Variants in PDZD2 observed in about 807,000 individuals in gnomAD.
The protein encoded by PDZD2 is PDZ domain-containing protein 2.
A neutral mutation model predicts 220.7 loss-of-function variants in PDZD2; 90 were observed. The observed-to-expected ratio is 0.41, with a 90% confidence interval of 0.34 to 0.49. The LOEUF (loss-of-function observed/expected upper bound fraction) is 0.49, where lower values mean the gene tolerates loss of function less well. Ranked by LOEUF, PDZD2 falls within the 20% of genes least tolerant of loss-of-function variation. The probability of loss-of-function intolerance (pLI) is 0.28; values close to 1 mark genes in which losing one functional copy is unlikely to be tolerated. For synonymous variants in PDZD2, 1,375 were observed against 1,450.5 expected, an observed-to-expected ratio of 0.95 and a Z score of 1.18; for missense variants, 3,174 against 3,608.5, an observed-to-expected ratio of 0.88 and a Z score of 3.08.
At chr5:32,003,696 T>C (rs1468440393) in intron 5 of PDZD2, among the ~76,000 whole-genome samples, 1 of 152,122 alleles carries the variant, frequency 6.6e-6, no homozygotes, top group Admixed American at 6.5e-5. Context: ...TTAGTTTTTT[T>C]GTTTTTGTTT....
intron 2 of PDZD2, among the ~76,000 whole-genome samples, chr5:31,901,721 T>TAATCACCCCTAA (rs1333192728): frequency 6.6e-6 from 1 of 152,228 alleles, no homozygotes; most frequent in African/African-American, 2.4e-5. Context: ...TAGAACATTT[T>TAATCACCCCTAA]AATCACCCCT....
At position 31,983,600 on chromosome 5, in the gene PDZD2, C is replaced by G; in HGVS notation, c.922C>G (p.Arg308Gly). The G allele has an allele frequency of 6.2e-7, 1 of 1,614,122 alleles. No homozygotes were observed. Among genetic ancestry groups the G allele is most frequent in the Non-Finnish European group, 8.5e-7 (1 of 1,179,998 alleles). ...DAPLTTSNDK[R>G]RFSKGGKTDF... ...TCCTCTGACCACAAGCAATGACAAA[C>G]GCCGCTTCTCAAAAGGTGGGAAGAC... Residue 308 changes from arginine to glycine, a missense_variant, in exon 3 of 25, where the codon CGC (arginine) becomes GGC (glycine). This residue lies in a region of PDZD2 where 632 missense variants were observed against 708.1 expected (regional missense o/e 0.89). Transcript: ENST00000438447.
At chr5:31,912,962 A>ACGG (rs1743337054) in intron 2 of PDZD2, among the ~76,000 whole-genome samples, 1 of 152,252 alleles carries the variant, frequency 6.6e-6, no homozygotes, top group East Asian at 1.9e-4. Flanking sequence ...TATATGAAAA[A>ACGG]CATTGCATCC....
intron 7 of PDZD2, among the ~76,000 whole-genome samples, chr5:32,045,690 G>T (rs1737879109): frequency 6.6e-6 from 1 of 151,320 alleles, no homozygotes; most frequent in Non-Finnish European, 1.5e-5. Flanking sequence ...GCCTCCCAAA[G>T]TGCTAGGATT....
chr5:31,896,650 G>C (rs1344462851), intron 2 of PDZD2, among the ~76,000 whole-genome samples: 1 of 152,308 alleles, frequency 6.6e-6, no homozygotes, highest in East Asian at 1.9e-4. Context: ...TTAAAATTGT[G>C]TGTGTTACAA....
At chr5:31,893,918 G>A (rs892683897) in intron 2 of PDZD2, among the ~76,000 whole-genome samples, 12 of 151,790 alleles carry the variant, frequency 7.9e-5, no homozygotes, top group Middle Eastern at 3.4e-3. Flanking sequence ...TTTTGAGACG[G>A]AGTTTCACTC....
intron 6 of PDZD2, among the ~76,000 whole-genome samples, chr5:32,035,311 A>G (rs2112213350): frequency 6.6e-6 from 1 of 151,914 alleles, no homozygotes; most frequent in South Asian, 2.1e-4. Flanking sequence ...CCTAGGATGG[A>G]GTGCAGTGGC....
chr5:31,864,393 T>C (rs1041993314), intron 2 of PDZD2, among the ~76,000 whole-genome samples: 1 of 152,234 alleles, frequency 6.6e-6, no homozygotes, highest in Non-Finnish European at 1.5e-5. Flanking sequence ...CCTTTTTTAG[T>C]GTGCCTTCTG....
At chr5:31,731,507 C>G (rs957618021) in intron 1 of PDZD2, among the ~76,000 whole-genome samples, 16 of 152,166 alleles carry the variant, frequency 1.1e-4, no homozygotes, top group Non-Finnish European at 1.6e-4. Flanking sequence ...TTGGCAACCA[C>G]TAAGCTGAAC....
At chr5:31,721,697 C>A (rs1748807113) in intron 1 of PDZD2, among the ~76,000 whole-genome samples, 1 of 85,632 alleles carries the variant, frequency 1.2e-5, no homozygotes. Context: ...TTTTTTCTGC[C>A]TTCCCTATCT....
chr5:31,925,665 CAG>C (rs1157076177), intron 2 of PDZD2, among the ~76,000 whole-genome samples: 1 of 151,752 alleles, frequency 6.6e-6, no homozygotes, highest in Non-Finnish European at 1.5e-5. Flanking sequence ...ACAGAGTAAA[CAG>C]ACAACCCACG....
chr5:31,885,483 C>T (rs1159984452), intron 2 of PDZD2, among the ~76,000 whole-genome samples: 2 of 152,042 alleles, frequency 1.3e-5, no homozygotes, highest in East Asian at 3.8e-4. Flanking sequence ...ATATTCACTC[C>T]AGAAGTGTTT....
chr5:32,089,255 A>T lies in PDZD2; in HGVS notation c.5807A>T (p.His1936Leu), dbSNP rs1253860398. Residue 1936 changes from histidine to leucine, a missense_variant, in exon 20 of 25, where the codon CAT (histidine) becomes CTT (leucine). Around this residue, in one of 4 missense-constraint regions of PDZD2, gnomAD observed 1,861 missense variants for 2,001.0 expected, o/e 0.93. Coordinates refer to ENST00000438447, the MANE Select transcript of PDZD2 (RefSeq NM_178140.4). The part of the protein sequence containing the change: ...TLSKAVSQRL[H>L]VADHEDPDRN... ...TCTAAGGCAGTGTCACAGCGGCTCCATGTAGCCGACCACGAGGACCCTGAC... is the reference window on the plus strand; with the variant it reads ...TCTAAGGCAGTGTCACAGCGGCTCCTTGTAGCCGACCACGAGGACCCTGAC... The T allele has an allele frequency of 6.2e-7, 1 of 1,614,022 alleles. No homozygotes were observed. The highest frequency in any genetic ancestry group is 8.5e-7 in the Non-Finnish European group (1 of 1,180,024).
intron 19 of PDZD2, among the ~76,000 whole-genome samples, chr5:32,079,484 T>C (rs1038743403): frequency 3.3e-5 from 5 of 151,532 alleles, no homozygotes; most frequent in Non-Finnish European, 5.9e-5. Flanking sequence ...AGAAAAAAGA[T>C]AGCCTTCCTT....
At position 32,108,236 on chromosome 5, in the gene PDZD2, C is replaced by T; in HGVS notation, c.*101C>T. 1 of 689,210 alleles carries T rather than the reference C, an allele frequency of 1.5e-6. No homozygotes were observed. Among genetic ancestry groups the T allele is most frequent in the Non-Finnish European group, 2.4e-6 (1 of 424,772 alleles). 42.7% of individuals were successfully genotyped at this position (689,210 alleles called of 1,614,324 possible). Reference sequence around the variant, plus strand: ...TTGAAATGGCCAACACTGGTACAGACACGGACTATAAAAATCTCCAAGCTT... The same window carrying T: ...TTGAAATGGCCAACACTGGTACAGATACGGACTATAAAAATCTCCAAGCTT... On this transcript the variant is annotated 3_prime_UTR_variant, in exon 25 of 25. Transcript: ENST00000438447.
In PDZD2 at chr5:32,085,758, GTGT is replaced by G. The variant is rs915809716; in HGVS notation, c.3683-1362_3683-1360del. Among the ~76,000 whole-genome samples, 7 of 152,022 alleles carry G rather than the reference GTGT, an allele frequency of 4.6e-5. No homozygotes were observed. The East Asian group carries it at 5.8e-4, about 13-fold the overall frequency. On this transcript the variant is annotated intron_variant, in intron 19 of 24. Transcript: ENST00000438447. ...CACCATGCCCAGCCCTGTTTTTGTT[GTGT>G]TGTTGTTGTTTTGTTTTGTCTTTTG...
intron 2 of PDZD2, among the ~76,000 whole-genome samples, chr5:31,940,817 G>A (rs1363560995): frequency 6.6e-6 from 1 of 152,186 alleles, no homozygotes; most frequent in Non-Finnish European, 1.5e-5. Flanking sequence ...GAGACCGCAG[G>A]GGCAGAACAT....
intron 1 of PDZD2, among the ~76,000 whole-genome samples, chr5:31,647,325 AC>A (rs1251889885): frequency 6.6e-6 from 1 of 152,204 alleles, no homozygotes; most frequent in Non-Finnish European, 1.5e-5. Flanking sequence ...TGAGGTACAT[AC>A]TGTTATTACC....
intron 2 of PDZD2, among the ~76,000 whole-genome samples, chr5:31,842,341 C>T (rs1757360221): frequency 6.6e-6 from 1 of 152,216 alleles, no homozygotes; most frequent in Admixed American, 6.5e-5. Context: ...TCATTATCCC[C>T]AGTTACAGAC....
Sources: allele counts gnomAD v4.1 joint callset (sites outside exome capture counted in the v4.1 genomes callset), GRCh38; gene constraint gnomAD v4.1.1; regional missense constraint gnomAD v4.1.1; transcripts MANE v1.5; gene names NCBI Gene and HGNC (gene_info 2026-07-23, HGNC 2026-07-21).